The following ESD variants were observed in gnomAD, a reference collection of about 807,000 sequenced individuals.
ESD encodes the protein esterase D, also known as S-formylglutathione hydrolase.
A neutral mutation model predicts 38.1 loss-of-function variants in ESD; 34 were observed. The ratio of observed to expected loss-of-function variants is 0.89; its 90% confidence interval spans 0.68 to 1.19. ESD has a LOEUF of 1.19. Among genes scored for constraint, ESD ranks in the 50% most tolerant of loss-of-function variants. ESD has a pLI of 0.00. For missense variants in ESD, 334 were observed against 327.2 expected (o/e 1.02, Z -0.16); for synonymous variants, 97 against 107.0 (o/e 0.91, Z 0.58).
intron 9 of ESD, among the ~76,000 whole-genome samples, chr13:46,773,548 G>C (rs968643605): frequency 2.0e-5 from 3 of 152,182 alleles, no homozygotes; most frequent in African/African-American, 7.2e-5. Flanking sequence ...TAAAAATAGA[G>C]CTAATAAAAA....
At chr13:46,783,625 A>T (rs1220666269) in intron 5 of ESD, among the ~76,000 whole-genome samples, 1 of 151,756 alleles carries the variant, frequency 6.6e-6, no homozygotes, top group East Asian at 1.9e-4. Context: ...CCAGATATGC[A>T]TTGTTTTTGT....
At chr13:46,781,707 G>A (rs7989468) in intron 6 of ESD, 92 bp from the exon 7 acceptor site, 3 of 1,159,530 alleles carry the variant, frequency 2.6e-6, no homozygotes, top group Non-Finnish European at 3.8e-6. Context: ...AATCAATACT[G>A]CCAAATCATA....
At chr13:46,790,698 A>T (rs1875366752) in intron 3 of ESD, 2 of 152,138 alleles carry the variant, frequency 1.3e-5, no homozygotes, top group Admixed American at 1.3e-4. Context: ...CTTTTTTCTA[A>T]GCTCAACTTT....
intron 8 of ESD, among the ~76,000 whole-genome samples, chr13:46,778,797 A>C (rs768866026): frequency 5.3e-5 from 8 of 151,834 alleles, no homozygotes; most frequent in Non-Finnish European, 1.0e-4. Flanking sequence ...AAACATAGTA[A>C]AAATTCAAGC....
intron 8 of ESD, among the ~76,000 whole-genome samples, chr13:46,778,306 T>C (rs1461125407): frequency 2.0e-5 from 3 of 151,848 alleles, no homozygotes; most frequent in Non-Finnish European, 2.9e-5. Context: ...ACTTTATACA[T>C]TGACCAAGAC....
At chr13:46,773,844 T>C (rs942670744) in intron 9 of ESD, among the ~76,000 whole-genome samples, 5 of 152,222 alleles carry the variant, frequency 3.3e-5, no homozygotes, top group African/African-American at 1.2e-4. Flanking sequence ...TAGTTGAATT[T>C]AGAGCTAAAT....
At chr13:46,779,119 T>G (rs1256087950) in intron 8 of ESD, among the ~76,000 whole-genome samples, 1 of 151,718 alleles carries the variant, frequency 6.6e-6, no homozygotes, top group Non-Finnish European at 1.5e-5. Flanking sequence ...AACATGGCTC[T>G]CAGGAAAAAG....
At chr13:46,777,700 A>T (rs940928811) in intron 8 of ESD, 77 bp from the exon 9 acceptor site, 1 of 1,162,120 alleles carries the variant, frequency 8.6e-7, no homozygotes, top group Non-Finnish European at 1.2e-6. Flanking sequence ...ACCAAACAGA[A>T]ATTTAAAGTT....
At chr13:46,784,632 A>G (rs1241625303) in intron 4 of ESD, among the ~76,000 whole-genome samples, 3 of 152,022 alleles carry the variant, frequency 2.0e-5, no homozygotes, top group African/African-American at 7.2e-5. Context: ...TGAATGGTTT[A>G]TAAGCTTTAA....
At chr13:46,784,445 G>T in intron 4 of ESD, 95 bp from the exon 5 acceptor site, 1 of 818,628 alleles carries the variant, frequency 1.2e-6, no homozygotes, top group Non-Finnish European at 2.0e-6. Flanking sequence ...GACGGAGACG[G>T]ACAAGGGCTG....
At chr13:46,789,635 C>T (rs1021668737) in intron 3 of ESD, among the ~76,000 whole-genome samples, 1 of 152,010 alleles carries the variant, frequency 6.6e-6, no homozygotes, top group African/African-American at 2.4e-5. Flanking sequence ...GTTCTATTTT[C>T]CAAAATTCCT....
Position 46,779,705 on chromosome 13 carries a change from TTA to T in ESD, c.600+228_600+229del, listed in dbSNP as rs1005655413. Among the ~76,000 whole-genome samples the T allele has an allele frequency of 7.6e-3, 1,095 of 143,360 alleles. 11 individuals are homozygous for T. Among genetic ancestry groups the T allele is most frequent in the African/African-American group, 0.022 (852 of 39,596 alleles). 94.0% of individuals were successfully genotyped at this position (143,360 alleles called of 152,430 possible). A position where few individuals can be genotyped will look rare whatever the true frequency, so the allele number is the denominator to read the frequency against. On this transcript the variant is annotated intron_variant, in intron 8 of 9. Coordinates refer to ENST00000378720, the MANE Select transcript of ESD (RefSeq NM_001984.2). The stretch of plus-strand genomic sequence containing the variant: ...TTAGAAAGTAGGGTTTTTTGTTGAT[TTA>T]TATATATATATATATAAAATAATAT...
At chr13:46,795,843 C>T (rs1176073209) in intron 1 of ESD, among the ~76,000 whole-genome samples, 2 of 151,588 alleles carry the variant, frequency 1.3e-5, no homozygotes, top group South Asian at 2.1e-4. Context: ...ATCATCTCGG[C>T]CCCCGGGCTC....
upstream of ESD, among the ~76,000 whole-genome samples, chr13:46,797,667 A>G (rs1875640705): frequency 6.6e-6 from 1 of 152,222 alleles, no homozygotes; most frequent in Admixed American, 6.5e-5. Flanking sequence ...TGGGAACTCC[A>G]TCAGTTTTCT....
chr13:46,794,546 T>A (rs572703813), intron 1 of ESD, among the ~76,000 whole-genome samples: 1 of 152,274 alleles, frequency 6.6e-6, no homozygotes, highest in Non-Finnish European at 1.5e-5. Flanking sequence ...TTATTAAAGT[T>A]AAATGTCATC....
rs1593408150 is a variant in ESD at position 46,784,257 on chromosome 13, C to T, written c.251G>A (p.Ser84Asn). ...HGLVVIAPDT[S>N]PRGCNIKGED... ...TCTAGACCACAAACACTTACGAGGG[C>T]TGGTATCTGGAGCAATGACAACAAG... Residue 84 changes from serine (S) to asparagine (N), a missense_variant, in exon 5 of 10, where the codon AGC becomes AAC. By Grantham distance (46) the Ser-to-Asn change is conservative (BLOSUM62 1). Coordinates refer to ENST00000378720, the MANE Select transcript of ESD (RefSeq NM_001984.2). The T allele has an allele frequency of 3.7e-6, 6 of 1,610,042 alleles. No homozygotes were observed. In the East Asian group the frequency reaches 6.7e-5, roughly 18 times the overall value.
In ESD at chr13:46,771,401, T is replaced by C; in HGVS notation, c.*15A>G. The stretch of plus-strand genomic sequence containing the variant: ...CTTTTATAATCCTGAAGAGATTCTC[T>C]TATTTGGAGTTTTTTCATGCATTCA... On this transcript the variant is annotated 3_prime_UTR_variant, in exon 10 of 10. Coordinates refer to ENST00000378720, the MANE Select transcript of ESD (RefSeq NM_001984.2). 2 of 1,544,316 alleles carry C rather than the reference T, an allele frequency of 1.3e-6. No homozygotes were observed. Among genetic ancestry groups the C allele is most frequent in the Non-Finnish European group, 1.8e-6 (2 of 1,122,300 alleles).
chr13:46,787,251 C>T, intron 3 of ESD, 142 bp from the exon 4 acceptor site: 1 of 481,610 alleles, frequency 2.1e-6, no homozygotes, highest in Non-Finnish European at 3.6e-6. Flanking sequence ...TAAGTGGTTC[C>T]ACTAACATTT....
chr13:46,787,206 C>T (rs761209871), intron 3 of ESD, 97 bp from the exon 4 acceptor site: 1 of 587,724 alleles, frequency 1.7e-6, no homozygotes, highest in Non-Finnish European at 2.8e-6. Flanking sequence ...AAGATATATA[C>T]TAAAGGTCCA....
Sources: allele counts gnomAD v4.1 joint callset (sites outside exome capture counted in the v4.1 genomes callset), GRCh38; gene constraint gnomAD v4.1.1; transcripts MANE v1.5; gene names NCBI Gene and HGNC (gene_info 2026-07-23, HGNC 2026-07-21).